SSBP2: variants seen among roughly 807,000 people sequenced by gnomAD.
The protein encoded by SSBP2 is single-stranded DNA-binding protein 2.
Under a neutral mutation model 61.8 loss-of-function variants are expected in SSBP2, and 17 were observed. The ratio of observed to expected loss-of-function variants is 0.28; its 90% CI spans 0.19 to 0.41. The LOEUF (loss-of-function observed/expected upper bound fraction) is 0.41. Among genes scored for constraint, SSBP2 ranks in the 10% least tolerant of loss-of-function variants. SSBP2 has a pLI of 1.00. For missense variants in SSBP2, 310 were observed against 458.7 expected (o/e 0.68, Z 2.96); for synonymous variants, 139 against 141.3 (o/e 0.98, Z 0.12).
intron 4 of SSBP2, among the ~76,000 whole-genome samples, chr5:81,583,516 G>A (rs377528489): frequency 2.0e-5 from 3 of 151,894 alleles, no homozygotes; most frequent in Admixed American, 1.3e-4. Context: ...TGTAGTCCCA[G>A]CTACTGGAGA....
At chr5:81,684,985 T>C (rs1028435122) in intron 1 of SSBP2, among the ~76,000 whole-genome samples, 3 of 152,172 alleles carry the variant, frequency 2.0e-5, no homozygotes, top group African/African-American at 7.2e-5. Context: ...TGGTGGGAAG[T>C]GATTGGATCA....
chr5:81,568,221 AAGGGACCTGGT>A (rs1343502273), intron 4 of SSBP2, among the ~76,000 whole-genome samples: 1 of 152,114 alleles, frequency 6.6e-6, no homozygotes, highest in Admixed American at 6.5e-5. Context: ...CGTATTGTGG[AAGGGACCTGGT>A]GGGAGATAAT....
chr5:81,703,068 C>A (rs1754102848), intron 1 of SSBP2, among the ~76,000 whole-genome samples: 1 of 152,134 alleles, frequency 6.6e-6, no homozygotes, highest in Non-Finnish European at 1.5e-5. Context: ...ATATCTTATT[C>A]AGTATTCTTT....
intron 1 of SSBP2, among the ~76,000 whole-genome samples, chr5:81,731,921 C>G (rs1203610432): frequency 6.6e-6 from 1 of 151,672 alleles, no homozygotes; most frequent in Non-Finnish European, 1.5e-5. Flanking sequence ...GTCAGGAGAA[C>G]AAAAACTTCT....
intron 4 of SSBP2, among the ~76,000 whole-genome samples, chr5:81,560,588 T>C (rs73766272): frequency 0.059 from 9,006 of 152,208 alleles, 879 homozygotes; most frequent in African/African-American, 0.2. Flanking sequence ...CTACACCTTA[T>C]TCTCTTCAGA....
chr5:81,495,434 C>T (rs1331861837), intron 5 of SSBP2, among the ~76,000 whole-genome samples: 2 of 152,128 alleles, frequency 1.3e-5, no homozygotes, highest in South Asian at 2.1e-4. Flanking sequence ...CTGAAGATTA[C>T]GCTGTACTCG....
chr5:81,676,577 G>A (rs946357077), intron 1 of SSBP2, among the ~76,000 whole-genome samples: 1 of 152,108 alleles, frequency 6.6e-6, no homozygotes, highest in Admixed American at 6.6e-5. Context: ...TCCAGATGCT[G>A]CTGCCTAGAA....
chr5:81,735,607 C>T (rs1195430641), intron 1 of SSBP2, among the ~76,000 whole-genome samples: 1 of 152,118 alleles, frequency 6.6e-6, no homozygotes, highest in Non-Finnish European at 1.5e-5. Flanking sequence ...GAATATGCAA[C>T]CATCCATTTT....
Position 81,489,273 on chromosome 5 carries a change from G to A in SSBP2, c.409C>T (p.Pro137Ser), listed in dbSNP as rs764514309. ...ACCTGATTAGGTATCCTCAATGGGG[G>A]CCTTGGACCTCCAGGGTACCGAGGT... The change falls in exon 6 of 17, where the codon CCC becomes TCC. Residue 137 changes from proline to serine, a missense_variant. Physicochemically the swap from Pro to Ser is moderately conservative, Grantham distance 74. Transcript: ENST00000320672. The A allele has an allele frequency of 4.4e-6, 7 of 1,608,140 alleles. No homozygotes were observed. Among genetic ancestry groups the A allele is most frequent in the Non-Finnish European group, 5.9e-6 (7 of 1,178,222 alleles).
Position 81,593,937 on chromosome 5 carries a change from C to T in SSBP2, c.282+21536G>A, listed in dbSNP as rs554386698. On this transcript the variant is annotated intron_variant, in intron 4 of 16. Transcript: ENST00000320672. ...GCTAGGAAGAAACTGCATCAACTAA[C>T]GAGCAAAATAATCAGCTAACATCAT... Among the ~76,000 whole-genome samples, 267 of 152,240 alleles carry T rather than the reference C, an allele frequency of 1.8e-3. 6 individuals are homozygous for T. Among genetic ancestry groups the T allele is most frequent in the Admixed American group, 3.3e-3 (50 of 15,288 alleles).
At chr5:81,530,476 CTTG>C (rs1465105528) in intron 4 of SSBP2, among the ~76,000 whole-genome samples, 1 of 151,716 alleles carries the variant, frequency 6.6e-6, no homozygotes, top group Non-Finnish European at 1.5e-5. Flanking sequence ...TTTTCATCAT[CTTG>C]TTGATGATTG....
chr5:81,534,265 AT>A (rs1310152446), intron 4 of SSBP2, among the ~76,000 whole-genome samples: 1 of 152,100 alleles, frequency 6.6e-6, no homozygotes, highest in Non-Finnish European at 1.5e-5. Flanking sequence ...CTGAAAGCCT[AT>A]TTACAGCAGT....
chr5:81,738,502 C>A (rs939261117), intron 1 of SSBP2, among the ~76,000 whole-genome samples: 2 of 152,164 alleles, frequency 1.3e-5, no homozygotes, highest in South Asian at 4.1e-4. Context: ...TATCCAAGTT[C>A]CTCCCAAACT....
chr5:81,706,438 TATCC>T (rs1365409844), intron 1 of SSBP2, among the ~76,000 whole-genome samples: 7 of 152,164 alleles, frequency 4.6e-5, no homozygotes, highest in African/African-American at 9.7e-5. Context: ...TCACATAATA[TATCC>T]ATGCAACAAA....
intron 4 of SSBP2, among the ~76,000 whole-genome samples, chr5:81,531,046 A>AAAACC (rs1417679842): frequency 6.6e-6 from 1 of 151,784 alleles, no homozygotes; most frequent in Non-Finnish European, 1.5e-5. Flanking sequence ...CTATTTCTAC[A>AAAACC]AAACCAAACC....
intron 1 of SSBP2, among the ~76,000 whole-genome samples, chr5:81,692,917 T>C (rs991930939): frequency 9.2e-5 from 14 of 151,942 alleles, no homozygotes; most frequent in African/African-American, 3.4e-4. Context: ...AAAGAAAATA[T>C]TGAGGAGGCC....
At chr5:81,587,765 A>T (rs62368678) in intron 4 of SSBP2, among the ~76,000 whole-genome samples, 1 of 140,696 alleles carries the variant, frequency 7.1e-6, no homozygotes, top group Non-Finnish European at 1.5e-5. Flanking sequence ...ACGCGCGCGC[A>T]CACACACACA....
rs1195476133 is a variant in SSBP2, at chr5:81,420,535, T to G, written c.1057-2A>C. 6.2e-7 allele frequency: 1 copy of G among 1,613,230 alleles called. No individual in the cohort carries two copies. ...GCTCATTGTCATGCTAGGGGAGTAC[T>G]AGAAGGAAAGAAGAATCCATATTTT... On this transcript the variant is annotated splice_acceptor_variant, in intron 16 of 16. Coordinates refer to ENST00000320672, the MANE Select transcript of SSBP2 (RefSeq NM_012446.5). LOFTEE classifies it high-confidence loss of function.
At chr5:81,667,663 A>T (rs1751260984) in intron 1 of SSBP2, among the ~76,000 whole-genome samples, 1 of 152,174 alleles carries the variant, frequency 6.6e-6, no homozygotes, top group African/African-American at 2.4e-5. Flanking sequence ...CTCCCTCAAA[A>T]AAAAGGCGAT....
Sources: gnomAD v4.1 joint callset for allele counts (sites outside exome capture counted in the v4.1 genomes callset) on GRCh38, gnomAD v4.1.1 for gene constraint, MANE v1.5 for transcripts, NCBI Gene and HGNC (gene_info 2026-07-23, HGNC 2026-07-21) for gene names.